Variants in FAM114A1 observed in about 807,000 individuals in gnomAD.
The protein encoded by FAM114A1 is protein NOXP20.
A neutral mutation model predicts 64.3 loss-of-function variants in FAM114A1; 62 were observed. The observed-to-expected ratio is 0.96, with a 90% CI of 0.79 to 1.19. FAM114A1 has a LOEUF of 1.19. Ranked by LOEUF, FAM114A1 falls within the 50% of genes most tolerant of loss-of-function variation. The probability of loss-of-function intolerance (pLI) is 0.00; values close to 1 mark genes in which losing one functional copy is unlikely to be tolerated. For missense variants in FAM114A1, 645 were observed against 676.3 expected (o/e 0.95, Z 0.51); for synonymous variants, 254 against 251.1 (o/e 1.01, Z -0.11).
intron 3 of FAM114A1, among the ~76,000 whole-genome samples, chr4:38,880,107 G>GTAGAATAGAGTAGAATAGAA (rs1553863241): frequency 1.6e-5 from 2 of 127,364 alleles, no homozygotes; most frequent in Admixed American, 8.0e-5. Flanking sequence ...ATAAAATAGA[G>GTAGAATAGAGTAGAATAGAA]TAGAATAGAA....
intron 3 of FAM114A1, among the ~76,000 whole-genome samples, 199 bp from the exon 4 acceptor site, chr4:38,891,544 C>G (rs1471546597): frequency 6.6e-6 from 1 of 152,164 alleles, no homozygotes; most frequent in African/African-American, 2.4e-5. Flanking sequence ...CCAACATCAG[C>G]ACTAATCAAT....
chr4:38,906,157 G>A (rs958879912), intron 6 of FAM114A1, among the ~76,000 whole-genome samples: 18 of 152,298 alleles, frequency 1.2e-4, no homozygotes, highest in Admixed American at 3.3e-4. Context: ...GCCTCTGGTT[G>A]AGGGGAGAGA....
chr4:38,890,551 C>T (rs555568756), intron 3 of FAM114A1, among the ~76,000 whole-genome samples: 1 of 152,154 alleles, frequency 6.6e-6, no homozygotes, highest in South Asian at 2.1e-4. Flanking sequence ...TCCTTCTTTC[C>T]TTCCTTCCTT....
chr4:38,918,198 TG>T (rs1419870575), intron 8 of FAM114A1, among the ~76,000 whole-genome samples: 1 of 152,182 alleles, frequency 6.6e-6, no homozygotes, highest in Non-Finnish European at 1.5e-5. Flanking sequence ...CACTCCAGCC[TG>T]GGCAGCAAGA....
chr4:38,870,412 C>T (rs905866582), intron 2 of FAM114A1, among the ~76,000 whole-genome samples: 7 of 152,222 alleles, frequency 4.6e-5, no homozygotes, highest in Non-Finnish European at 8.8e-5. Flanking sequence ...GTTAGCTCCT[C>T]AAACAGATGA....
intron 4 of FAM114A1, among the ~76,000 whole-genome samples, chr4:38,898,359 A>G (rs1334193698): frequency 1.3e-5 from 2 of 152,180 alleles, no homozygotes; most frequent in East Asian, 1.9e-4. Flanking sequence ...GCACATTTTA[A>G]TGAAACTCTT....
At chr4:38,935,233 G>A (rs1054313643) in intron 12 of FAM114A1, among the ~76,000 whole-genome samples, 2 of 152,074 alleles carry the variant, frequency 1.3e-5, no homozygotes, top group African/African-American at 4.8e-5. Flanking sequence ...TTTCTTAAAT[G>A]TCCGATTTTC....
intron 14 of FAM114A1, among the ~76,000 whole-genome samples, chr4:38,942,033 C>G (rs776603660): frequency 5.9e-5 from 9 of 152,298 alleles, no homozygotes; most frequent in Middle Eastern, 3.4e-3. Context: ...GCAGACAAGA[C>G]AAGAGAGCTT....
chr4:38,898,297 A>T (rs1272911636), intron 4 of FAM114A1, among the ~76,000 whole-genome samples: 2 of 152,160 alleles, frequency 1.3e-5, no homozygotes, highest in African/African-American at 2.4e-5. Flanking sequence ...TTCCAAAATT[A>T]TCATTGTTCC....
intron 2 of FAM114A1, among the ~76,000 whole-genome samples, chr4:38,871,110 G>C (rs1473388180): frequency 1.9e-5 from 2 of 104,532 alleles, no homozygotes; most frequent in African/African-American, 4.0e-5. Context: ...TTTTTTTTGC[G>C]ACAGGGTCTC....
chr4:38,891,614 C>T lies in FAM114A1; in HGVS notation c.349-129C>T, dbSNP rs1716396445. 5 of 759,834 alleles carry T rather than the reference C, an allele frequency of 6.6e-6. No homozygotes were observed. In the South Asian group the frequency reaches 8.1e-5, roughly 12 times the overall value. 47.1% of individuals were successfully genotyped at this position (759,834 alleles called of 1,614,324 possible). On this transcript the variant is annotated intron_variant, in intron 3 of 14. Coordinates refer to ENST00000358869, the MANE Select transcript of FAM114A1 (RefSeq NM_138389.4). ...GATATTCTTTTATGACCCTTATAAA[C>T]TATAAGCCAATTAGATACGGTTGTT...
intron 4 of FAM114A1, among the ~76,000 whole-genome samples, chr4:38,897,039 A>G (rs1579328376): frequency 6.6e-6 from 1 of 152,332 alleles, no homozygotes; most frequent in East Asian, 1.9e-4. Flanking sequence ...CAGTTAGAAT[A>G]GTTAGAACTG....
chr4:38,941,190 G>A (rs977607405), intron 14 of FAM114A1, among the ~76,000 whole-genome samples, 169 bp downstream of exon 14: 1 of 150,840 alleles, frequency 6.6e-6, no homozygotes, highest in African/African-American at 2.4e-5. Flanking sequence ...TAAACCCTCT[G>A]ATGAAGCAAC....
chr4:38,911,954 T>C (rs1411449222), intron 7 of FAM114A1, among the ~76,000 whole-genome samples: 1 of 147,292 alleles, frequency 6.8e-6, no homozygotes, highest in Non-Finnish European at 1.5e-5. Context: ...CTCCGCCTCC[T>C]GGGTTCAAGC....
At chr4:38,879,927 G>A (rs1205424367) in intron 3 of FAM114A1, among the ~76,000 whole-genome samples, 1 of 151,978 alleles carries the variant, frequency 6.6e-6, no homozygotes, top group African/African-American at 2.4e-5. Flanking sequence ...AAATTAGCCA[G>A]GCATGGTAGT....
intron 4 of FAM114A1, among the ~76,000 whole-genome samples, chr4:38,896,118 A>AC (rs1716913333): frequency 6.6e-6 from 1 of 152,176 alleles, no homozygotes; most frequent in East Asian, 1.9e-4. Flanking sequence ...TTGCATACAA[A>AC]ATGGCAAAGG....
chr4:38,943,449 C>G lies in FAM114A1; in HGVS notation c.1591-7C>G, dbSNP rs1164294250. 1.2e-6 allele frequency: 2 copies of G among 1,613,478 alleles called. No individual in the cohort carries two copies. Among genetic ancestry groups the G allele is most frequent in the African/African-American group, 2.7e-5 (2 of 74,936 alleles). ...AACCCTTCAACCTCATTTTTCTCCT[C>G]TCACAGGGCTGCAACAGTACAACGT... is the stretch of plus-strand genomic sequence containing the variant. On this transcript the variant is annotated splice_polypyrimidine_tract_variant and splice_region_variant and intron_variant, in intron 14 of 14. Coordinates refer to ENST00000358869, the MANE Select transcript of FAM114A1 (RefSeq NM_138389.4).
At chr4:38,928,696 C>T (rs1187054732) in intron 9 of FAM114A1, among the ~76,000 whole-genome samples, 2 of 152,150 alleles carry the variant, frequency 1.3e-5, no homozygotes, top group African/African-American at 4.8e-5. Flanking sequence ...ATTGTAGGAC[C>T]AGCCAGGTAT....
chr4:38,914,884 T>C (rs1273203035), intron 7 of FAM114A1, 37 bp from the exon 8 acceptor site: 1 of 1,593,912 alleles, frequency 6.3e-7, no homozygotes, highest in Non-Finnish European at 8.6e-7. Flanking sequence ...TGCTTTTAAA[T>C]GTACATCCAG....
Sources: gnomAD v4.1 joint callset for allele counts (sites outside exome capture counted in the v4.1 genomes callset) on GRCh38, gnomAD v4.1.1 for gene constraint, MANE v1.5 for transcripts, NCBI Gene and HGNC (gene_info 2026-07-23, HGNC 2026-07-21) for gene names.